ANKRD17: variants seen among roughly 807,000 people sequenced by gnomAD.
The protein encoded by ANKRD17 is ankyrin repeat domain-containing protein 17.
Under a neutral mutation model 229.7 loss-of-function variants are expected in ANKRD17, and 19 were observed. The ratio of observed to expected loss-of-function variants is 0.08; its 90% CI spans 0.06 to 0.12. The LOEUF (loss-of-function observed/expected upper bound fraction) is 0.12, where lower values mean the gene tolerates loss of function less well. Among genes scored for constraint, ANKRD17 ranks in the 10% least tolerant of loss-of-function variants. The pLI is 1.00. For missense variants in ANKRD17, 2,176 were observed against 3,176.8 expected (o/e 0.68, Z 7.57); for synonymous variants, 1,112 against 1,146.1 (o/e 0.97, Z 0.60).
intron 2 of ANKRD17, chr4:73,169,040 G>A (rs1018511920): frequency 9.9e-5 from 15 of 151,904 alleles, no homozygotes; most frequent in African/African-American, 3.6e-4. Context: ...TTGTTTTTTT[G>A]TTCCTGCGTT....
intron 2 of ANKRD17, among the ~76,000 whole-genome samples, chr4:73,171,356 C>T (rs576814958): frequency 6.6e-6 from 1 of 152,306 alleles, no homozygotes; most frequent in Non-Finnish European, 1.5e-5. Context: ...CATAGCGATA[C>T]TGGGATTGGG....
rs549247377 is a variant in ANKRD17, at chr4:73,181,818, C to T, written c.394-4285G>A. On this transcript the variant is annotated intron_variant, in intron 1 of 33. Transcript: ENST00000358602. ...ACCCCAGCACTTTGGGAGGCCGAGGCGGGTGCATTGCCTGGGGTTGGGAGT... is the reference window on the plus strand; with the variant it reads ...ACCCCAGCACTTTGGGAGGCCGAGGTGGGTGCATTGCCTGGGGTTGGGAGT... Among the ~76,000 whole-genome samples, 6 of 151,804 alleles carry T rather than the reference C, an allele frequency of 4.0e-5. No individual in the cohort carries two copies. In the East Asian group the frequency reaches 7.8e-4, roughly 20 times the overall value.
At chr4:73,084,808 T>C (rs1016509220) in intron 30 of ANKRD17, among the ~76,000 whole-genome samples, 2 of 152,146 alleles carry the variant, frequency 1.3e-5, no homozygotes, top group Admixed American at 6.5e-5. Flanking sequence ...TAGAAATCTT[T>C]CTCCTTGGTA....
At chr4:73,250,615 A>AAC (rs1744925705) in intron 1 of ANKRD17, among the ~76,000 whole-genome samples, 1 of 138,386 alleles carries the variant, frequency 7.2e-6, no homozygotes, top group African/African-American at 2.7e-5. Context: ...AAAAAAAAAA[A>AAC]CAGAAAAAAA....
At position 73,142,594 on chromosome 4, in the gene ANKRD17, G is replaced by A. The variant is rs370815801; in HGVS notation, c.2085+46C>T. The A allele has an allele frequency of 1.3e-4, 202 of 1,613,182 alleles. No individual in the cohort carries two copies. The African/African-American group carries it at 2.2e-3, about 17-fold the overall frequency. On this transcript the variant is annotated intron_variant, in intron 12 of 33. Coordinates refer to ENST00000358602, the MANE Select transcript of ANKRD17 (RefSeq NM_032217.5). The stretch of plus-strand genomic sequence containing the variant: ...TGATATGTTGTAACAATGACCAAGA[G>A]AGAAATACTAATTCACAATTCTGCA...
rs762526945 is a variant in ANKRD17, at chr4:73,085,421, A to G, written c.6987T>C (p.Tyr2329=). 1 of 1,614,042 alleles carries G rather than the reference A, an allele frequency of 6.2e-7. No individual in the cohort carries two copies. Among genetic ancestry groups the G allele is most frequent in the Non-Finnish European group, 8.5e-7 (1 of 1,179,984 alleles). The change falls in exon 30 of 34, where the codon TAT becomes TAC. Residue 2329 remains tyrosine (Y), a synonymous_variant. Transcript: ENST00000358602. ...GTGTTGAAGAAGGTGTTACAGAACCATATGGCGAGTCCATATTGACAATAC... is the reference window on the plus strand; with the variant it reads ...GTGTTGAAGAAGGTGTTACAGAACCGTATGGCGAGTCCATATTGACAATAC... ...PSGIVNMDSP[Y]GSVTPSSTHL... is the part of the protein sequence containing the mutation.
At chr4:73,180,899 T>A (rs1047929392) in intron 1 of ANKRD17, among the ~76,000 whole-genome samples, 1 of 152,176 alleles carries the variant, frequency 6.6e-6, no homozygotes, top group Non-Finnish European at 1.5e-5. Flanking sequence ...CACATGAATA[T>A]TATACATACA....
At chr4:73,234,754 C>T (rs1219910281) in intron 1 of ANKRD17, among the ~76,000 whole-genome samples, 1 of 152,192 alleles carries the variant, frequency 6.6e-6, no homozygotes, top group Non-Finnish European at 1.5e-5. Context: ...AACTGCTGAC[C>T]TACTTTCTTA....
intron 1 of ANKRD17, among the ~76,000 whole-genome samples, chr4:73,215,769 G>C (rs1371051214): frequency 6.6e-6 from 1 of 152,190 alleles, no homozygotes; most frequent in African/African-American, 2.4e-5. Context: ...TGGAGTTTAG[G>C]AATGGTTTTA....
At chr4:73,168,159 AT>A (rs1235640678) in intron 2 of ANKRD17, among the ~76,000 whole-genome samples, 1 of 152,024 alleles carries the variant, frequency 6.6e-6, no homozygotes, top group Non-Finnish European at 1.5e-5. Flanking sequence ...TCAAAAAAAA[AT>A]TAAAAAAAAA....
At chr4:73,118,084 T>G (rs1726206555) in intron 22 of ANKRD17, among the ~76,000 whole-genome samples, 1 of 152,002 alleles carries the variant, frequency 6.6e-6, no homozygotes, top group Non-Finnish European at 1.5e-5. Context: ...TGGTGCAATC[T>G]CAGCTCACTG....
chr4:73,110,422 C>T (rs974940530), intron 24 of ANKRD17, among the ~76,000 whole-genome samples: 5 of 152,192 alleles, frequency 3.3e-5, no homozygotes, highest in African/African-American at 4.8e-5. Context: ...CTGGGCTCAG[C>T]CTCCCGAGTA....
chr4:73,179,501 TATATATATATATA>T (rs1735210898), intron 1 of ANKRD17, among the ~76,000 whole-genome samples: 1 of 78,272 alleles, frequency 1.3e-5, no homozygotes, highest in Non-Finnish European at 2.7e-5. Context: ...TATATATATA[TATATATATATATA>T]TATATTTTTT....
At chr4:73,250,397 T>C (rs1020784993) in intron 1 of ANKRD17, among the ~76,000 whole-genome samples, 1 of 151,522 alleles carries the variant, frequency 6.6e-6, no homozygotes, top group Non-Finnish European at 1.5e-5. Context: ...AGCCGGGAGT[T>C]TGCGACCAGC....
At position 73,147,398 on chromosome 4, in the gene ANKRD17, T is replaced by C. The variant is rs1730428983; in HGVS notation, c.1602A>G (p.Gln534=). The C allele has an allele frequency of 1.3e-6, 2 of 1,595,274 alleles. No homozygotes were observed. Among genetic ancestry groups the C allele is most frequent in the Non-Finnish European group, 1.7e-6 (2 of 1,172,452 alleles). ...ANINAQTEET[Q]ETALTLACCG... ...AGCAAGCCAGAGTCAAGGCAGTTTC[T>C]TGAGTTTCTTCTGTCTGTGCATTGA... Residue 534 remains glutamine, a synonymous_variant, in exon 9 of 34, where the codon CAA becomes CAG. Coordinates refer to ENST00000358602, the MANE Select transcript of ANKRD17 (RefSeq NM_032217.5).
chr4:73,192,859 C>T (rs1737319405), intron 1 of ANKRD17, among the ~76,000 whole-genome samples: 1 of 152,292 alleles, frequency 6.6e-6, no homozygotes, highest in Middle Eastern at 3.4e-3. Context: ...TGCTCGTTTT[C>T]TCAAGATAAG....
intron 1 of ANKRD17, among the ~76,000 whole-genome samples, chr4:73,234,525 T>C (rs1743335636): frequency 6.6e-6 from 1 of 152,150 alleles, no homozygotes; most frequent in Non-Finnish European, 1.5e-5. Context: ...GAGCTTTCCC[T>C]GAGGTTATTT....
rs908585498 is a variant in ANKRD17, at chr4:73,232,001, G to C, written c.393+26275C>G. Among the ~76,000 whole-genome samples the C allele has an allele frequency of 5.9e-5, 9 of 152,286 alleles. No homozygotes were observed. The East Asian group carries it at 1.7e-3, about 29-fold the overall frequency. ...ATACCTTACCCTATGCATCTCTTCAGCTGTATCCTTTGTAATATCTTTTAC... is the reference window on the plus strand; with the variant it reads ...ATACCTTACCCTATGCATCTCTTCACCTGTATCCTTTGTAATATCTTTTAC... On this transcript the variant is annotated intron_variant, in intron 1 of 33. Coordinates refer to ENST00000358602, the MANE Select transcript of ANKRD17 (RefSeq NM_032217.5).
rs79497621 is a variant in ANKRD17, at chr4:73,241,371, T to A, written c.393+16905A>T. Among the ~76,000 whole-genome samples, 300 of 152,244 alleles carry A rather than the reference T, an allele frequency of 2.0e-3. 14 individuals are homozygous for A. The East Asian group carries it at 0.039, about 20-fold the overall frequency. On this transcript the variant is annotated intron_variant, in intron 1 of 33. Coordinates refer to ENST00000358602, the MANE Select transcript of ANKRD17 (RefSeq NM_032217.5). Reference sequence around the variant, plus strand: ...AGATGGAAGCAACCCAAACGGTCCATTAACTAATGAATGGATAAATAAAAT... The same window carrying A: ...AGATGGAAGCAACCCAAACGGTCCAATAACTAATGAATGGATAAATAAAAT...
Sources: allele counts gnomAD v4.1 joint callset (sites outside exome capture counted in the v4.1 genomes callset), GRCh38; gene constraint gnomAD v4.1.1; transcripts MANE v1.5; gene names NCBI Gene and HGNC (gene_info 2026-07-23, HGNC 2026-07-21).